MARCHF1: variants seen among roughly 807,000 people sequenced by gnomAD.
The protein encoded by MARCHF1 is membrane associated ring-CH-type finger 1, also known as E3 ubiquitin-protein ligase MARCHF1.
A neutral mutation model predicts 54.2 loss-of-function variants in MARCHF1; 40 were observed. The ratio of observed to expected loss-of-function variants is 0.74; its 90% CI spans 0.57 to 0.96. The LOEUF is 0.96. MARCHF1 is among the 40% of genes least tolerant of loss of function. MARCHF1 has a pLI of 0.00. For missense variants in MARCHF1, 586 were observed against 656.5 expected, an observed-to-expected ratio of 0.89 and a Z score of 1.17; for synonymous variants, 236 against 236.3, an observed-to-expected ratio of 1.00 and a Z score of 0.01.
At chr4:163,792,791 G>A (rs531443613) in intron 4 of MARCHF1, among the ~76,000 whole-genome samples, 1 of 152,304 alleles carries the variant, frequency 6.6e-6, no homozygotes, top group South Asian at 2.1e-4. Flanking sequence ...GTGGTTGTCA[G>A]TTTTAAGGGA....
chr4:164,087,983 A>T (rs1755224964), intron 2 of MARCHF1, among the ~76,000 whole-genome samples: 1 of 152,180 alleles, frequency 6.6e-6, no homozygotes, highest in Non-Finnish European at 1.5e-5. Flanking sequence ...TTGAGTAGAG[A>T]CGTTAAATTG....
chr4:163,720,320 C>T (rs1017083106), intron 4 of MARCHF1, among the ~76,000 whole-genome samples: 2 of 152,158 alleles, frequency 1.3e-5, no homozygotes, highest in Non-Finnish European at 2.9e-5. Context: ...TCAGGTTTGT[C>T]AAAGATCAGA....
intron 2 of MARCHF1, among the ~76,000 whole-genome samples, chr4:163,989,950 C>G (rs542977882): frequency 6.6e-6 from 1 of 152,268 alleles, no homozygotes; most frequent in Non-Finnish European, 1.5e-5. Flanking sequence ...TCACAGAGAT[C>G]TTCAAAGTGA....
intron 1 of MARCHF1, among the ~76,000 whole-genome samples, chr4:164,314,456 C>G (rs1316231502): frequency 2.6e-5 from 4 of 152,278 alleles, no homozygotes; most frequent in African/African-American, 9.6e-5. Flanking sequence ...GTACATAAGT[C>G]ATTGACTCTT....
chr4:163,760,099 G>C (rs1003934628), intron 4 of MARCHF1, among the ~76,000 whole-genome samples: 1 of 152,190 alleles, frequency 6.6e-6, no homozygotes, highest in Non-Finnish European at 1.5e-5. Flanking sequence ...AAGGCTGTAA[G>C]GGGGAATCAG....
chr4:164,381,125 C>G (rs7655167), intron 1 of MARCHF1, among the ~76,000 whole-genome samples: 78,800 of 151,974 alleles, frequency 0.52, 21,394 homozygotes, highest in East Asian at 0.65. Context: ...GACCTTGGAA[C>G]ATCACTATTG....
At chr4:163,860,479 G>A (rs1030016165) in intron 3 of MARCHF1, among the ~76,000 whole-genome samples, 1 of 152,140 alleles carries the variant, frequency 6.6e-6, no homozygotes, top group African/African-American at 2.4e-5. Context: ...ATCTTGCAGA[G>A]GTTTACTAAC....
At chr4:163,796,910 G>T (rs996871383) in intron 4 of MARCHF1, among the ~76,000 whole-genome samples, 1 of 152,020 alleles carries the variant, frequency 6.6e-6, no homozygotes, top group African/African-American at 2.4e-5. Flanking sequence ...TGCCAGCTTT[G>T]TCTAATATGT....
chr4:163,727,465 GC>G (rs763882404), intron 4 of MARCHF1, among the ~76,000 whole-genome samples: 19 of 151,932 alleles, frequency 1.3e-4, no homozygotes, highest in Non-Finnish European at 2.5e-4. Context: ...ATGCCGCCAT[GC>G]CTGGCTAATT....
chr4:163,725,570 A>T (rs1222348560), intron 4 of MARCHF1, among the ~76,000 whole-genome samples: 1 of 152,214 alleles, frequency 6.6e-6, no homozygotes, highest in Non-Finnish European at 1.5e-5. Context: ...AATTCAAGTG[A>T]TAATGAATTA....
intron 5 of MARCHF1, among the ~76,000 whole-genome samples, chr4:163,642,155 C>T (rs761249106): frequency 2.6e-5 from 4 of 152,160 alleles, no homozygotes; most frequent in Non-Finnish European, 5.9e-5. Flanking sequence ...AGCTTAAGTA[C>T]GCAGGTGCTC....
intron 1 of MARCHF1, among the ~76,000 whole-genome samples, chr4:164,275,102 T>C (rs1733845182): frequency 6.6e-6 from 1 of 151,518 alleles, no homozygotes; most frequent in Non-Finnish European, 1.5e-5. Flanking sequence ...AATAATATAA[T>C]AATTTTCTTT....
At chr4:163,604,368 G>A (rs1399996575) in intron 7 of MARCHF1, among the ~76,000 whole-genome samples, 3 of 152,108 alleles carry the variant, frequency 2.0e-5, no homozygotes, top group Non-Finnish European at 2.9e-5. Context: ...CCTACCCAGT[G>A]TTCTAAATCA....
At chr4:164,356,093 A>C (rs1222020551) in intron 1 of MARCHF1, among the ~76,000 whole-genome samples, 1 of 134,304 alleles carries the variant, frequency 7.4e-6, no homozygotes, top group African/African-American at 2.6e-5. Context: ...TTAGAATGGC[A>C]ATCATTAAAA....
intron 1 of MARCHF1, among the ~76,000 whole-genome samples, chr4:164,351,641 T>C (rs1199122244): frequency 1.3e-5 from 2 of 151,746 alleles, no homozygotes; most frequent in African/African-American, 4.8e-5. Context: ...CAAAAGTAGA[T>C]AAAACCACAA....
At chr4:164,212,448 A>T (rs1731802528) in intron 1 of MARCHF1, among the ~76,000 whole-genome samples, 1 of 152,014 alleles carries the variant, frequency 6.6e-6, no homozygotes, top group Non-Finnish European at 1.5e-5. Flanking sequence ...TTCTATTTTG[A>T]TATCTTTCTA....
chr4:164,333,084 G>A (rs1414288169), intron 1 of MARCHF1, among the ~76,000 whole-genome samples: 1 of 151,666 alleles, frequency 6.6e-6, no homozygotes, highest in Non-Finnish European at 1.5e-5. Flanking sequence ...TGAGAGGAGT[G>A]TGAAAAAAAA....
chr4:163,924,303 C>G (rs1449726388), intron 3 of MARCHF1, among the ~76,000 whole-genome samples: 1 of 151,952 alleles, frequency 6.6e-6, no homozygotes, highest in African/African-American at 2.4e-5. Flanking sequence ...GCTGGCTGGA[C>G]TTTTGACATG....
Position 163,792,687 on chromosome 4 carries a change from T to C in MARCHF1, c.111+61334A>G, listed in dbSNP as rs540171370. ...CATAATCAGTCAATCCTGATTTAGA[T>C]GTAATTTTCTATATATGGAAATTAG... On this transcript the variant is annotated intron_variant, in intron 4 of 9. Coordinates refer to ENST00000514618, the MANE Select transcript of MARCHF1 (RefSeq NM_001394959.1). Among the ~76,000 whole-genome samples the C allele has an allele frequency of 2.7e-4, 41 of 152,348 alleles. 2 individuals are homozygous for C. The highest frequency in any genetic ancestry group is 1.4e-3 in the South Asian group (7 of 4,832).
Sources: gnomAD v4.1 joint callset for allele counts (sites outside exome capture counted in the v4.1 genomes callset) on GRCh38, gnomAD v4.1.1 for gene constraint, MANE v1.5 for transcripts, NCBI Gene and HGNC (gene_info 2026-07-23, HGNC 2026-07-21) for gene names.